TRHDE: variants seen among roughly 807,000 people sequenced by gnomAD.
TRHDE encodes the protein thyrotropin releasing hormone degrading enzyme.
In TRHDE, 72 loss-of-function variants were observed where a neutral mutation model predicts 125.7. That is an observed-to-expected ratio of 0.57 (90% confidence interval 0.47 to 0.70). TRHDE has a LOEUF of 0.70. TRHDE is among the 30% of genes least tolerant of loss of function. The pLI, the probability that TRHDE is intolerant of heterozygous loss-of-function variation, is 0.00. For missense variants in TRHDE, 1,110 were observed against 1,327.1 expected (o/e 0.84, Z 2.54); for synonymous variants, 509 against 509.1 (o/e 1.00, Z 0.00).
chr12:72,359,053 T>G (rs1217056547), intron 2 of TRHDE, among the ~76,000 whole-genome samples: 3 of 151,586 alleles, frequency 2.0e-5, no homozygotes, highest in Non-Finnish European at 4.4e-5. Flanking sequence ...AAATTTTGTC[T>G]TAAACAAAAC....
chr12:72,445,264 T>A (rs1875220478), intron 3 of TRHDE, among the ~76,000 whole-genome samples: 1 of 151,886 alleles, frequency 6.6e-6, no homozygotes, highest in Admixed American at 6.6e-5. Flanking sequence ...TTTTATCACA[T>A]ATTTTTTAAT....
intron 7 of TRHDE, among the ~76,000 whole-genome samples, chr12:72,559,305 T>C (rs1212747029): frequency 6.6e-6 from 1 of 152,292 alleles, no homozygotes; most frequent in African/African-American, 2.4e-5. Context: ...ATATATACAG[T>C]AGTTATTTTA....
rs1345491941 is a variant in TRHDE, at chr12:72,646,527, C to CA, written c.2676-5787dup. ...ATATAAATGGATTAAACTTCCCAAT[C>CA]AAAAAAAAGTGGCTGAATGGATTAA... On this transcript the variant is annotated intron_variant, in intron 15 of 18. Transcript: ENST00000261180. Among the ~76,000 whole-genome samples, 13 of 151,658 alleles carry CA rather than the reference C, an allele frequency of 8.6e-5. No individual in the cohort carries two copies. In the South Asian group the frequency reaches 2.1e-3, roughly 24 times the overall value.
intron 15 of TRHDE, among the ~76,000 whole-genome samples, chr12:72,631,535 A>G (rs1360174646): frequency 6.6e-6 from 1 of 151,918 alleles, no homozygotes; most frequent in Admixed American, 6.6e-5. Flanking sequence ...TTTTCACGTA[A>G]AAAGAAAACA....
chr12:72,399,977 C>T (rs1049170543), intron 3 of TRHDE, among the ~76,000 whole-genome samples: 2 of 152,084 alleles, frequency 1.3e-5, no homozygotes, highest in African/African-American at 4.8e-5. Context: ...GCCACTAACT[C>T]ACTCTTTAAT....
At chr12:72,406,536 A>T (rs963830008) in intron 3 of TRHDE, among the ~76,000 whole-genome samples, 3 of 151,738 alleles carry the variant, frequency 2.0e-5, no homozygotes, top group South Asian at 2.1e-4. Context: ...GTGAGGGTGA[A>T]TTTTTTTCTT....
At chr12:72,520,422 G>C (rs1049339611) in intron 6 of TRHDE, among the ~76,000 whole-genome samples, 1 of 152,150 alleles carries the variant, frequency 6.6e-6, no homozygotes, top group Non-Finnish European at 1.5e-5. Context: ...CGACCGTCAC[G>C]CCTTTCTTTG....
At chr12:72,566,981 A>C (rs948534098) in intron 9 of TRHDE, among the ~76,000 whole-genome samples, 2 of 151,958 alleles carry the variant, frequency 1.3e-5, no homozygotes, top group African/African-American at 4.8e-5. Context: ...TAATTTGAGA[A>C]TCAGACTCAT....
intron 2 of TRHDE, among the ~76,000 whole-genome samples, chr12:72,335,363 A>G (rs1228188227): frequency 6.6e-6 from 1 of 152,178 alleles, no homozygotes; most frequent in Non-Finnish European, 1.5e-5. Flanking sequence ...AACAGTGGAC[A>G]CCCATGTATG....
At chr12:72,349,740 C>T (rs1391953157) in intron 2 of TRHDE, among the ~76,000 whole-genome samples, 3 of 151,986 alleles carry the variant, frequency 2.0e-5, no homozygotes, top group Admixed American at 2.0e-4. Flanking sequence ...TTGGGATTGA[C>T]TTTGGTGCAG....
chr12:72,128,980 G>C (rs1875789736), intron 2 of TRHDE, among the ~76,000 whole-genome samples: 1 of 152,030 alleles, frequency 6.6e-6, no homozygotes, highest in Non-Finnish European at 1.5e-5. Context: ...TACCACTAAG[G>C]CACATCATAA....
chr12:72,506,339 CAAG>C (rs1034811159), intron 6 of TRHDE, among the ~76,000 whole-genome samples: 5 of 151,764 alleles, frequency 3.3e-5, no homozygotes, highest in Non-Finnish European at 5.9e-5. Context: ...ACAAACAAAA[CAAG>C]AAAAGAATGC....
intron 7 of TRHDE, among the ~76,000 whole-genome samples, chr12:72,548,757 T>C (rs1013759314): frequency 5.3e-5 from 8 of 151,702 alleles, no homozygotes; most frequent in African/African-American, 1.9e-4. Flanking sequence ...AAAAAATTAG[T>C]ACCTGTGCTA....
chr12:72,447,540 T>C (rs558370042), intron 3 of TRHDE, among the ~76,000 whole-genome samples: 12 of 152,212 alleles, frequency 7.9e-5, no homozygotes, highest in African/African-American at 2.9e-4. Flanking sequence ...GTATGATTCT[T>C]AACCAAAAGC....
chr12:72,095,365 T>C (rs959312993), intron 1 of TRHDE, among the ~76,000 whole-genome samples: 1 of 152,128 alleles, frequency 6.6e-6, no homozygotes, highest in Admixed American at 6.5e-5. Context: ...ATATAGACTG[T>C]AGAGATCCTA....
intron 18 of TRHDE, among the ~76,000 whole-genome samples, chr12:72,658,323 T>C (rs1280220646): frequency 2.6e-5 from 4 of 152,226 alleles, no homozygotes; most frequent in African/African-American, 9.6e-5. Flanking sequence ...AATTTCATGA[T>C]TTCACATTCA....
At chr12:72,520,545 A>G (rs893205968) in intron 6 of TRHDE, among the ~76,000 whole-genome samples, 2 of 151,820 alleles carry the variant, frequency 1.3e-5, no homozygotes, top group Non-Finnish European at 2.9e-5. Context: ...ACTCTCTGGC[A>G]CTCCCTAGTG....
At chr12:72,519,548 A>C (rs970791187) in intron 6 of TRHDE, among the ~76,000 whole-genome samples, 6 of 152,102 alleles carry the variant, frequency 3.9e-5, no homozygotes, top group African/African-American at 1.4e-4. Flanking sequence ...CATTCTTCTA[A>C]ACTTTTTTCA....
intron 6 of TRHDE, among the ~76,000 whole-genome samples, chr12:72,518,546 T>G (rs1264397222): frequency 2.6e-5 from 4 of 152,172 alleles, no homozygotes; most frequent in African/African-American, 9.7e-5. Context: ...TGTCTCTGCA[T>G]GTGAGATGGG....
Sources: gnomAD v4.1 joint callset for allele counts (sites outside exome capture counted in the v4.1 genomes callset) on GRCh38, gnomAD v4.1.1 for gene constraint, MANE v1.5 for transcripts, NCBI Gene and HGNC (gene_info 2026-07-23, HGNC 2026-07-21) for gene names.